The following GDPD2 variants were observed in gnomAD, a reference collection of about 807,000 sequenced individuals.
The protein encoded by GDPD2 is glycerophosphodiester phosphodiesterase 3.
Under a neutral mutation model 49.2 loss-of-function variants are expected in GDPD2, and 23 were observed. The ratio of observed to expected loss-of-function variants is 0.47; its 90% CI spans 0.34 to 0.66. GDPD2 has a LOEUF of 0.66. Among genes scored for constraint, GDPD2 ranks in the 30% least tolerant of loss-of-function variants. The pLI is 0.01. For synonymous variants in GDPD2, 167 were observed against 171.4 expected, an observed-to-expected ratio of 0.97 and a Z score of 0.20; for missense variants, 338 against 424.7, an observed-to-expected ratio of 0.80 and a Z score of 1.79.
At chrX:70,424,296 T>C (rs2086402508) in intron 1 of GDPD2, among the ~76,000 whole-genome samples, 1 of 111,287 alleles carries the variant, frequency 9.0e-6, no homozygotes, top group Non-Finnish European at 1.9e-5. Context: ...AATCCAAAGA[T>C]TCCTTTAGAA....
intron 2 of GDPD2, 93 bp downstream of exon 2, chrX:70,425,182 G>C (rs961870214): frequency 7.3e-6 from 5 of 687,183 alleles, no homozygotes; most frequent in Admixed American, 2.7e-5. Context: ...AGACAGCTTG[G>C]GGGAAGGGGC....
intron 10 of GDPD2, 152 bp from the exon 11 acceptor site, chrX:70,429,341 G>A (rs1274771688): frequency 4.5e-6 from 2 of 448,016 alleles, no homozygotes; most frequent in East Asian, 3.7e-5. Context: ...GATGGTAGAC[G>A]GTCTGGAAGA....
intron 2 of GDPD2, 119 bp from the exon 3 acceptor site, chrX:70,425,235 C>T (rs1376257760): frequency 3.0e-6 from 2 of 656,432 alleles, no homozygotes; most frequent in Non-Finnish European, 5.0e-6. Flanking sequence ...ATGGAAAGAG[C>T]TGCCCCCCGA....
intron 10 of GDPD2, among the ~76,000 whole-genome samples, chrX:70,428,099 AC>A (rs2086442838): frequency 6.6e-5 from 1 of 15,140 alleles, no homozygotes; most frequent in Non-Finnish European, 3.8e-4. Flanking sequence ...GGATACACAC[AC>A]ACACACACAC....
At chrX:70,431,725 T>C (rs1204920764) in intron 12 of GDPD2, among the ~76,000 whole-genome samples, 2 of 111,237 alleles carry the variant, frequency 1.8e-5, no homozygotes, top group Non-Finnish European at 3.8e-5. Context: ...CTCTATAAAA[T>C]AAAATAAAAT....
At chrX:70,428,092 T>TACAC (rs10578514) in intron 10 of GDPD2, among the ~76,000 whole-genome samples, 45 of 106,230 alleles carry the variant, frequency 4.2e-4, no homozygotes, top group African/African-American at 1.5e-3. Flanking sequence ...AACAGTTGGA[T>TACAC]ACACACACAC....
Position 70,427,319 on chromosome X carries a change from T to C in GDPD2, c.792T>C (p.Asp264=), listed in dbSNP as rs5980939. Residue 264 remains aspartate (D), a synonymous_variant, in exon 10 of 16, where the codon GAT becomes GAC. Coordinates refer to ENST00000374382, the MANE Select transcript of GDPD2 (RefSeq NM_017711.4). ...ACACCCCTTGTGCCCTCAGCTCCGA[T>C]GGGGTCCCCTTCCTCATGCATGATG... ...VFETDVMVSS[D]GVPFLMHDEH... The C allele has an allele frequency of 0.081, 97,681 of 1,208,412 alleles. 3,056 individuals carry two copies. The highest frequency in any genetic ancestry group is 0.13 in the African/African-American group (7,219 of 56,953).
chrX:70,425,957 C>A lies in GDPD2; in HGVS notation c.304-95C>A. On this transcript the variant is annotated intron_variant, in intron 4 of 15. Coordinates refer to ENST00000374382, the MANE Select transcript of GDPD2 (RefSeq NM_017711.4). ...TGGCCACTGAGGGAGGGGGCTAATT[C>A]TTGGGTAGGAGGGAAGTACCAGCCT... is the stretch of plus-strand genomic sequence containing the variant. The A allele has an allele frequency of 3.3e-6, 3 of 905,600 alleles. No homozygotes were observed. In the East Asian group the frequency reaches 9.3e-5, roughly 28 times the overall value. 74.6% of individuals were successfully genotyped at this position (905,600 alleles called of 1,213,427 possible). A position where few individuals can be genotyped will look rare whatever the true frequency, so the allele number is the denominator to read the frequency against.
intron 1 of GDPD2, among the ~76,000 whole-genome samples, 183 bp from the exon 2 acceptor site, chrX:70,424,793 C>T (rs935935081): frequency 8.9e-6 from 1 of 112,900 alleles, no homozygotes; most frequent in Non-Finnish European, 1.9e-5. Context: ...CTCCCATTGC[C>T]AGGCTTGCAG....
chrX:70,426,334 A>G, intron 5 of GDPD2, 37 bp from the exon 6 acceptor site: 1 of 1,151,158 alleles, frequency 8.7e-7, no homozygotes, highest in Non-Finnish European at 1.2e-6. Context: ...ATGAGCCCAA[A>G]TTGACCAAGA....
rs774857420 is a variant in GDPD2, at chrX:70,427,316, C to T, written c.789C>T (p.Ser263=). ...CTGACACCCCTTGTGCCCTCAGCTC[C>T]GATGGGGTCCCCTTCCTCATGCATG... ...TVFETDVMVS[S]DGVPFLMHDE... is the part of the protein sequence containing the mutation. The change falls in exon 10 of 16, where the codon TCC becomes TCT. Residue 263 remains serine, a synonymous_variant. Coordinates refer to ENST00000374382, the MANE Select transcript of GDPD2 (RefSeq NM_017711.4). 1 of 1,208,674 alleles carries T rather than the reference C, an allele frequency of 8.3e-7. No individual in the cohort carries two copies. Among genetic ancestry groups the T allele is most frequent in the East Asian group, 3.0e-5 (1 of 33,739 alleles).
rs771624811 is a variant in GDPD2, at chrX:70,426,033, C to T, written c.304-19C>T. 1 of 1,197,339 alleles carries T rather than the reference C, an allele frequency of 8.4e-7. No individual in the cohort carries two copies. Among genetic ancestry groups the T allele is most frequent in the Admixed American group, 2.2e-5 (1 of 46,048 alleles). On this transcript the variant is annotated intron_variant, in intron 4 of 15. Coordinates refer to ENST00000374382, the MANE Select transcript of GDPD2 (RefSeq NM_017711.4). Reference sequence around the variant, plus strand: ...TCCCCTCTTGGCACCCCATAAGTCCCACTGCTCTCTTCCTCTAGGTCCTGG... The same window carrying T: ...TCCCCTCTTGGCACCCCATAAGTCCTACTGCTCTCTTCCTCTAGGTCCTGG...
chrX:70,426,762 C>T (rs374641666), intron 7 of GDPD2, 21 bp downstream of exon 7: 30 of 1,169,541 alleles, frequency 2.6e-5, no homozygotes, highest in African/African-American at 3.5e-5. Flanking sequence ...TGCTGCCCCA[C>T]TCACCCTTGC....
chrX:70,425,146 G>T, intron 2 of GDPD2, 57 bp downstream of exon 2: 1 of 850,080 alleles, frequency 1.2e-6, no homozygotes, highest in South Asian at 2.3e-5. Flanking sequence ...CTCACTGGAG[G>T]GGATAAGGAG....
rs764489920 is a variant in GDPD2, at chrX:70,425,838, A to C, written c.285A>C (p.Thr95=). 192 of 1,164,104 alleles carry C rather than the reference A, an allele frequency of 1.6e-4. 2 individuals carry two copies. The South Asian group carries it at 3.4e-3, about 20-fold the overall frequency. ...AFLLVISLLV[T]YASLLLVLAL... The stretch of plus-strand genomic sequence containing the variant: ...TGCTGGTCATCTCTCTACTGGTCAC[A>C]TATGCATCCTTGCTATTGGTGGGTC... The change falls in exon 4 of 16, where the codon ACA becomes ACC. Residue 95 remains threonine, a synonymous_variant. Transcript: ENST00000374382.
At chrX:70,425,588 C>G in intron 3 of GDPD2, 131 bp downstream of exon 3, 1 of 559,502 alleles carries the variant, frequency 1.8e-6, no homozygotes, top group Non-Finnish European at 3.2e-6. Context: ...CTGCTGCTAC[C>G]CAATCTCCTT....
At position 70,432,945 on chromosome X, in the gene GDPD2, G is replaced by A. The variant is rs377709422; in HGVS notation, c.1567+5G>A. 2.6e-5 allele frequency: 31 copies of A among 1,191,122 alleles called. No homozygotes were observed. The highest frequency in any genetic ancestry group is 5.3e-5 in the South Asian group (3 of 56,329). On this transcript the variant is annotated splice_donor_5th_base_variant and intron_variant, in intron 15 of 15. Coordinates refer to ENST00000374382, the MANE Select transcript of GDPD2 (RefSeq NM_017711.4). ...TTAAGAAGAGAGGGAAAACTGGTAAGAACTTTCTCCCCTCACCTCATGTTT... is the reference window on the plus strand; with the variant it reads ...TTAAGAAGAGAGGGAAAACTGGTAAAAACTTTCTCCCCTCACCTCATGTTT...
intron 1 of GDPD2, among the ~76,000 whole-genome samples, chrX:70,423,959 T>C (rs1473381467): frequency 9.0e-6 from 1 of 111,489 alleles, no homozygotes; most frequent in East Asian, 2.8e-4. Context: ...CAAAGTCACC[T>C]AAAATCATAT....
Position 70,425,856 on chromosome X carries a change from G to C in GDPD2, c.303G>C (p.Leu101Phe), listed in dbSNP as rs2086418159. The change falls in exon 4 of 16, where the codon TTG (leucine) becomes TTC (phenylalanine). Residue 101 changes from leucine to phenylalanine, a missense_variant and splice_region_variant. Leu to Phe is a conservative substitution (Grantham distance 22). Around this residue, in one of 3 missense-constraint regions of GDPD2, gnomAD observed 10 missense variants for 26.7 expected, o/e 0.37. Coordinates refer to ENST00000374382, the MANE Select transcript of GDPD2 (RefSeq NM_017711.4). ...SLLVTYASLL[L>F]VLALLLRLCR... ...TGGTCACATATGCATCCTTGCTATT[G>C]GTGGGTCCGGAGGCCGCTGGCCTAA... The C allele has an allele frequency of 8.9e-7, 1 of 1,127,842 alleles. No homozygotes were observed. The highest frequency in any genetic ancestry group is 1.2e-6 in the Non-Finnish European group (1 of 820,767). 92.9% of individuals were successfully genotyped at this position (1,127,842 alleles called of 1,213,427 possible).
Sources: allele counts gnomAD v4.1 joint callset (sites outside exome capture counted in the v4.1 genomes callset), GRCh38; gene constraint gnomAD v4.1.1; regional missense constraint gnomAD v4.1.1; transcripts MANE v1.5; gene names NCBI Gene and HGNC (gene_info 2026-07-23, HGNC 2026-07-21).